The following SLPI variants were observed in gnomAD, a reference collection of about 807,000 sequenced individuals.
SLPI encodes secretory leukocyte peptidase inhibitor, also known as antileukoproteinase.
SLPI carries 20 observed loss-of-function variants against 14.3 expected under a neutral mutation model. The ratio of observed to expected loss-of-function variants is 1.40; its 90% CI spans 0.99 to 2.04. The LOEUF is 2.04. Among genes scored for constraint, SLPI ranks in the 30% most tolerant of loss-of-function variants. The probability of loss-of-function intolerance (pLI) is 0.00; values close to 1 mark genes in which losing one functional copy is unlikely to be tolerated. For synonymous variants in SLPI, 68 were observed against 54.8 expected (o/e 1.24, Z -1.07); for missense variants, 169 against 159.4 (o/e 1.06, Z -0.32).
intron 3 of SLPI, 60 bp from the exon 4 acceptor site, chr20:45,252,479 C>T: frequency 1.3e-6 from 2 of 1,583,024 alleles, no homozygotes; most frequent in Non-Finnish European, 1.7e-6. Flanking sequence ...ATATCCACAT[C>T]CTTCCTCCTG....
intron 1 of SLPI, 108 bp from the exon 2 acceptor site, chr20:45,253,841 G>C (rs1164288592): frequency 1.0e-6 from 1 of 983,178 alleles, no homozygotes; most frequent in Non-Finnish European, 1.5e-6. Flanking sequence ...TACCTCAGTA[G>C]CTGTCCACAA....
Position 45,254,539 on chromosome 20 carries a change from T to G in SLPI, c.5A>C (p.Lys2Thr). 6.2e-7 allele frequency: 1 copy of G among 1,613,716 alleles called. No homozygotes were observed. Among genetic ancestry groups the G allele is most frequent in the South Asian group, 1.1e-5 (1 of 91,034 alleles). Residue 2 changes from lysine to threonine, a missense_variant, in exon 1 of 4, where the codon AAG becomes ACG. Physicochemically the swap from Lys to Thr is moderately conservative, Grantham distance 78. Coordinates refer to ENST00000338380, the MANE Select transcript of SLPI (RefSeq NM_003064.4). M[K>T]SSGLFPFLVL... ...CAGGAAGGGGAAGAGGCCGCTGGAC[T>G]TCATGGTGAAGGCAGGAGTGACTCT...
At position 45,252,962 on chromosome 20, in the gene SLPI, G is replaced by A. The variant is rs183206342; in HGVS notation, c.394+40C>T. 5,935 of 1,602,822 alleles carry A rather than the reference G, an allele frequency of 3.7e-3. 18 individuals carry two copies. The highest frequency in any genetic ancestry group is 4.3e-3 in the Non-Finnish European group (5,103 of 1,173,774). On this transcript the variant is annotated intron_variant, in intron 3 of 3. Transcript: ENST00000338380. Reference sequence around the variant, plus strand: ...GGCCTCCAGAGGGTTGAGGCTGAGAGGGCTGGAGGGAGCTCAGTGTGCCCT... The same window carrying A: ...GGCCTCCAGAGGGTTGAGGCTGAGAAGGCTGGAGGGAGCTCAGTGTGCCCT...
chr20:45,252,273 G>A lies in SLPI; in HGVS notation c.*142C>T, dbSNP rs1289062299. ...AAATAGGCTCGTTTATTTATTCATT[G>A]ATCAACTGGCACTTCTTGAAAGCCT... On this transcript the variant is annotated 3_prime_UTR_variant, in exon 4 of 4. Transcript: ENST00000338380. 1 of 665,640 alleles carries A rather than the reference G, an allele frequency of 1.5e-6. No individual in the cohort carries two copies. The highest frequency in any genetic ancestry group is 2.5e-6 in the Non-Finnish European group (1 of 395,046). 41.2% of individuals were successfully genotyped at this position (665,640 alleles called of 1,614,324 possible). A position where few individuals can be genotyped will look rare whatever the true frequency, so the allele number is the denominator to read the frequency against.
At chr20:45,253,396 C>T (rs552852251) in intron 2 of SLPI, among the ~76,000 whole-genome samples, 179 bp downstream of exon 2, 33 of 152,320 alleles carry the variant, frequency 2.2e-4, no homozygotes, top group African/African-American at 5.5e-4. Context: ...AGGCTTCCAA[C>T]TACCTGGCTA....
chr20:45,253,417 C>A (rs930759818), intron 2 of SLPI, among the ~76,000 whole-genome samples, 158 bp downstream of exon 2: 1 of 152,170 alleles, frequency 6.6e-6, no homozygotes, highest in Non-Finnish European at 1.5e-5. Context: ...TCTAAATGCC[C>A]GCTGCTTCAC....
At chr20:45,252,539 G>A in intron 3 of SLPI, 120 bp from the exon 4 acceptor site, 1 of 1,001,786 alleles carries the variant, frequency 1.0e-6, no homozygotes, top group Non-Finnish European at 1.5e-6. Context: ...CGCTATAGTT[G>A]AGAGAGACTT....
chr20:45,252,936 G>C, intron 3 of SLPI, 66 bp downstream of exon 3: 1 of 1,546,884 alleles, frequency 6.5e-7, no homozygotes. Context: ...CCATATGCCT[G>C]GGCCTCCAGA....
chr20:45,253,934 C>T (rs1277088442), intron 1 of SLPI, among the ~76,000 whole-genome samples: 4 of 152,118 alleles, frequency 2.6e-5, no homozygotes, highest in African/African-American at 9.7e-5. Context: ...GGACGTTTCA[C>T]ACCCAAGAAA....
chr20:45,253,446 C>T (rs1457800002), intron 2 of SLPI, 129 bp downstream of exon 2: 22 of 932,306 alleles, frequency 2.4e-5, no homozygotes, highest in Admixed American at 2.9e-5. Context: ...GGCTACCTTC[C>T]TGCTTAGGGC....
rs762192141 is a variant in SLPI at position 45,252,438 on chromosome 20, T to C, written c.395-19A>G. On this transcript the variant is annotated intron_variant, in intron 3 of 3. Transcript: ENST00000338380. ...AATCAAGCTGTGAGAGAAAATCAGATAAGAGCTTCAGCATAGAAACCAGCC... is the reference window on the plus strand; with the variant it reads ...AATCAAGCTGTGAGAGAAAATCAGACAAGAGCTTCAGCATAGAAACCAGCC... The C allele has an allele frequency of 2.5e-6, 4 of 1,613,478 alleles. No homozygotes were observed. In the African/African-American group the frequency reaches 4.0e-5, roughly 16 times the overall value.
rs1568853477 is a variant in SLPI at position 45,254,492 on chromosome 20, G to C, written c.52C>G (p.Leu18Val). The C allele has an allele frequency of 6.2e-7, 1 of 1,614,176 alleles. No homozygotes were observed. Among genetic ancestry groups the C allele is most frequent in the Non-Finnish European group, 8.5e-7 (1 of 1,180,012 alleles). Residue 18 changes from leucine (L) to valine (V), a missense_variant, in exon 1 of 4, where the codon CTG becomes GTG. Physicochemically the swap from Leu to Val is conservative, Grantham distance 32. Transcript: ENST00000338380. ...PFLVLLALGT[L>V]APWAVEGSGK... ...GAGCCTTCCACAGCCCAAGGTGCCA[G>C]AGTTCCCAGGGCAAGCAGCACCAGG...
At chr20:45,254,365 G>A (rs1448839894) in intron 1 of SLPI, 94 bp downstream of exon 1, 2 of 1,024,204 alleles carry the variant, frequency 2.0e-6, no homozygotes, top group Middle Eastern at 2.1e-4. Flanking sequence ...TAAGCTGAGG[G>A]ATCAGAGCCT....
chr20:45,252,427 A>G lies in SLPI; in HGVS notation c.395-8T>C. 1 of 1,613,830 alleles carries G rather than the reference A, an allele frequency of 6.2e-7. No homozygotes were observed. The highest frequency in any genetic ancestry group is 1.1e-5 in the South Asian group (1 of 91,006). On this transcript the variant is annotated splice_region_variant and splice_polypyrimidine_tract_variant and intron_variant, in intron 3 of 3. Transcript: ENST00000338380. ...CATATGGCAGGAATCAAGCTGTGAG[A>G]GAAAATCAGATAAGAGCTTCAGCAT...
chr20:45,253,823 G>T, intron 1 of SLPI, 90 bp from the exon 2 acceptor site: 1 of 1,227,746 alleles, frequency 8.1e-7, no homozygotes, highest in South Asian at 1.4e-5. Context: ...TTGAGGGGGA[G>T]AGACCCTTAC....
At chr20:45,254,010 A>G (rs747974676) in intron 1 of SLPI, among the ~76,000 whole-genome samples, 4 of 152,166 alleles carry the variant, frequency 2.6e-5, no homozygotes, top group Non-Finnish European at 2.9e-5. Flanking sequence ...AAAGGCAGAG[A>G]GGAAGGCTGG....
intron 3 of SLPI, 84 bp downstream of exon 3, chr20:45,252,918 C>T: frequency 1.4e-6 from 2 of 1,443,926 alleles, no homozygotes; most frequent in Non-Finnish European, 1.9e-6. Flanking sequence ...GTTCAGGAGT[C>T]CCCCTGCCCA....
rs911695441 is a variant in SLPI, at chr20:45,253,089, T to C, written c.307A>G (p.Asn103Asp). 4.3e-6 allele frequency: 7 copies of C among 1,614,036 alleles called. No individual in the cohort carries two copies. The highest frequency in any genetic ancestry group is 1.3e-5 in the African/African-American group (1 of 74,998). Residue 103 changes from asparagine (N) to aspartate (D), a missense_variant, in exon 3 of 4, where the codon AAT (asparagine) becomes GAT (aspartate). Asn to Asp is a conservative substitution (Grantham distance 23). Transcript: ENST00000338380. Reference sequence around the variant, plus strand: ...CACTGGCCATCCATCTCACAGAAATTGGGGGGGTTAAGCATCAAACATTGG... The same window carrying C: ...CACTGGCCATCCATCTCACAGAAATCGGGGGGGTTAAGCATCAAACATTGG... ...YGQCLMLNPPNFCEMDGQCKR... is the reference protein window; with the variant it reads ...YGQCLMLNPPDFCEMDGQCKR...
At position 45,254,392 on chromosome 20, in the gene SLPI, C is replaced by T. The variant is rs142770286; in HGVS notation, c.85+67G>A. 2.3e-4 allele frequency: 319 copies of T among 1,373,348 alleles called. No homozygotes were observed. The African/African-American group carries it at 3.6e-3, about 15-fold the overall frequency. 85.1% of individuals were successfully genotyped at this position (1,373,348 alleles called of 1,614,324 possible). Reference sequence around the variant, plus strand: ...TCAGAGCCTACAGAAGGGGACACACCCACACCACAAGGAGACCCCACCTCT... The same window carrying T: ...TCAGAGCCTACAGAAGGGGACACACTCACACCACAAGGAGACCCCACCTCT... On this transcript the variant is annotated intron_variant, in intron 1 of 3. Transcript: ENST00000338380.
Sources: gnomAD v4.1 joint callset for allele counts (sites outside exome capture counted in the v4.1 genomes callset) on GRCh38, gnomAD v4.1.1 for gene constraint, MANE v1.5 for transcripts, NCBI Gene and HGNC (gene_info 2026-07-23, HGNC 2026-07-21) for gene names.